CATSPERE: variants seen among roughly 807,000 people sequenced by gnomAD.
The protein encoded by CATSPERE is cation channel sperm-associated auxiliary subunit epsilon.
A neutral mutation model predicts 114.1 loss-of-function variants in CATSPERE; 93 were observed. That is an observed-to-expected ratio of 0.81 (90% CI 0.69 to 0.97). The LOEUF (loss-of-function observed/expected upper bound fraction) is 0.97, where lower values mean the gene tolerates loss of function less well. Among genes scored for constraint, CATSPERE ranks in the 50% least tolerant of loss-of-function variants. The pLI is 0.00. For synonymous variants in CATSPERE, 341 were observed against 384.1 expected (o/e 0.89, Z 1.31); for missense variants, 1,058 against 1,131.6 (o/e 0.93, Z 0.93).
chr1:244,520,568 G>A (rs1305729140), intron 8 of CATSPERE, among the ~76,000 whole-genome samples: 3 of 152,186 alleles, frequency 2.0e-5, no homozygotes, highest in South Asian at 4.1e-4. Flanking sequence ...ATGCCCTTAT[G>A]AGCCCATGCC....
intron 19 of CATSPERE, among the ~76,000 whole-genome samples, chr1:244,616,256 A>G (rs991406739): frequency 2.6e-5 from 4 of 152,236 alleles, no homozygotes; most frequent in African/African-American, 7.2e-5. Flanking sequence ...CCATCTAATC[A>G]TGATAACATT....
intron 7 of CATSPERE, among the ~76,000 whole-genome samples, chr1:244,502,662 T>TC (rs1386672618): frequency 1.3e-5 from 2 of 152,114 alleles, no homozygotes; most frequent in Non-Finnish European, 2.9e-5. Context: ...TAACCTGGGC[T>TC]CCCCAGAAGT....
chr1:244,605,569 A>C, intron 17 of CATSPERE, 126 bp from the exon 18 acceptor site: 1 of 512,820 alleles, frequency 1.9e-6, no homozygotes, highest in Non-Finnish European at 3.4e-6. Context: ...CCCCAGAGTT[A>C]CTTTATCACT....
chr1:244,452,067 G>A (rs995866835), upstream of CATSPERE: 2 of 349,214 alleles, frequency 5.7e-6, no homozygotes, highest in Non-Finnish European at 5.1e-6. Flanking sequence ...AGAGGCCCTG[G>A]TGGCGGCAAC....
chr1:244,517,461 C>G (rs1676820292), intron 7 of CATSPERE, among the ~76,000 whole-genome samples: 1 of 151,616 alleles, frequency 6.6e-6, no homozygotes, highest in South Asian at 2.1e-4. Flanking sequence ...TTAGGCAAAC[C>G]TGTATTTCTC....
chr1:244,469,797 T>C lies in CATSPERE; in HGVS notation c.114+5841T>C, dbSNP rs1368845086. 2.6e-5 allele frequency among the ~76,000 whole-genome samples: 4 copies of C among 152,096 alleles called. No individual in the cohort carries two copies. The East Asian group carries it at 7.7e-4, about 29-fold the overall frequency. ...CAGTTCTTGACGTTTATACAATTGG[T>C]CATTTGAATACTAAGCTTACTACAA... On this transcript the variant is annotated intron_variant, in intron 2 of 21. Coordinates refer to ENST00000366534, the MANE Select transcript of CATSPERE (RefSeq NM_001130957.2).
chr1:244,552,065 A>AAG (rs1491271607), intron 8 of CATSPERE, among the ~76,000 whole-genome samples: 1 of 4,272 alleles, frequency 2.3e-4, no homozygotes, highest in Admixed American at 2.8e-3. Context: ...CTCTGTCTCC[A>AAG]AAAAAAAAAA....
At chr1:244,569,463 T>A (rs962879093) in intron 10 of CATSPERE, among the ~76,000 whole-genome samples, 2 of 152,198 alleles carry the variant, frequency 1.3e-5, no homozygotes, top group South Asian at 4.1e-4. Flanking sequence ...TATACTGATA[T>A]GTTCTTTATC....
At chr1:244,578,439 C>G (rs1417446813) in intron 11 of CATSPERE, among the ~76,000 whole-genome samples, 1 of 152,072 alleles carries the variant, frequency 6.6e-6, no homozygotes, top group African/African-American at 2.4e-5. Flanking sequence ...GTGTGAGTCA[C>G]CACACCCGGC....
intron 17 of CATSPERE, among the ~76,000 whole-genome samples, chr1:244,604,780 G>T (rs906323327): frequency 1.3e-5 from 2 of 152,324 alleles, no homozygotes; most frequent in Non-Finnish European, 2.9e-5. Flanking sequence ...ATCAAGAATT[G>T]AACTTTTAGC....
intron 7 of CATSPERE, among the ~76,000 whole-genome samples, chr1:244,502,995 C>T (rs984511564): frequency 1.3e-5 from 2 of 152,084 alleles, no homozygotes; most frequent in Non-Finnish European, 2.9e-5. Context: ...TAGGTTTCCA[C>T]GGGCAGCCAA....
At chr1:244,569,097 C>G (rs941651763) in intron 10 of CATSPERE, among the ~76,000 whole-genome samples, 1 of 149,522 alleles carries the variant, frequency 6.7e-6, no homozygotes, top group South Asian at 2.1e-4. Context: ...TCATGGCTTC[C>G]CTTGGCTAGG....
At chr1:244,616,730 A>C (rs894591494) in intron 19 of CATSPERE, among the ~76,000 whole-genome samples, 5 of 152,204 alleles carry the variant, frequency 3.3e-5, no homozygotes, top group African/African-American at 1.2e-4. Flanking sequence ...TTTCCATCTC[A>C]ACTTTTGGGA....
intron 8 of CATSPERE, among the ~76,000 whole-genome samples, chr1:244,533,205 G>C (rs1207325861): frequency 6.6e-6 from 1 of 151,972 alleles, no homozygotes. Flanking sequence ...CATTTGCATT[G>C]AATATATTTT....
At chr1:244,577,693 C>T (rs530683098) in intron 11 of CATSPERE, among the ~76,000 whole-genome samples, 113 of 152,310 alleles carry the variant, frequency 7.4e-4, no homozygotes, top group African/African-American at 2.6e-3. Context: ...ATGACCTAAT[C>T]ACCTCCCAAA....
chr1:244,625,758 T>C (rs916070653), intron 20 of CATSPERE, among the ~76,000 whole-genome samples: 1 of 151,738 alleles, frequency 6.6e-6, no homozygotes, highest in Admixed American at 6.6e-5. Flanking sequence ...TTATTTACTT[T>C]ACTTTTTAAA....
chr1:244,613,929 G>C (rs962687946), intron 19 of CATSPERE, among the ~76,000 whole-genome samples: 1 of 152,154 alleles, frequency 6.6e-6, no homozygotes, highest in Non-Finnish European at 1.5e-5. Context: ...TAATGGATTT[G>C]TGGGTTTCAT....
chr1:244,515,983 C>CA (rs759934793), intron 7 of CATSPERE, among the ~76,000 whole-genome samples: 5 of 151,668 alleles, frequency 3.3e-5, no homozygotes, highest in Admixed American at 6.6e-5. Context: ...TGCCTGAGCC[C>CA]AGGAGTTCAA....
chr1:244,464,925 C>G (rs1297670466), intron 2 of CATSPERE, among the ~76,000 whole-genome samples: 1 of 149,952 alleles, frequency 6.7e-6, no homozygotes, highest in Non-Finnish European at 1.5e-5. Flanking sequence ...TCAGTTATCT[C>G]AAGTTTCTGT....
Sources: gnomAD v4.1 joint callset for allele counts (sites outside exome capture counted in the v4.1 genomes callset) on GRCh38, gnomAD v4.1.1 for gene constraint, MANE v1.5 for transcripts, NCBI Gene and HGNC (gene_info 2026-07-23, HGNC 2026-07-21) for gene names.